PCLO: variants seen among roughly 807,000 people sequenced by gnomAD.
The protein encoded by PCLO is protein piccolo.
In PCLO, 82 loss-of-function variants were observed where a neutral mutation model predicts 427.5. The ratio of observed to expected loss-of-function variants is 0.19; its 90% CI spans 0.16 to 0.23. The LOEUF is 0.23. PCLO is among the 10% of genes least tolerant of loss of function. PCLO has a pLI of 1.00. For missense variants in PCLO, 6,239 were observed against 6,115.9 expected (o/e 1.02, Z -0.67); for synonymous variants, 2,357 against 2,155.4 (o/e 1.09, Z -2.59).
At chr7:82,777,157 C>T (rs896194760) in intron 22 of PCLO, among the ~76,000 whole-genome samples, 1 of 151,896 alleles carries the variant, frequency 6.6e-6, no homozygotes, top group African/African-American at 2.4e-5. Flanking sequence ...ATCACAACTG[C>T]CACAAGAAGA....
In PCLO at chr7:82,758,457, T is replaced by C. The variant is rs1026036355; in HGVS notation, c.*118A>G. 1.4e-6 allele frequency: 1 copy of C among 737,910 alleles called. No homozygotes were observed. The highest frequency in any genetic ancestry group is 2.1e-6 in the Non-Finnish European group (1 of 468,514). The allele number at this position is 737,910 out of a possible 1,614,324, so 45.7% of individuals were successfully genotyped here. On this transcript the variant is annotated 3_prime_UTR_variant, in exon 25 of 25. Coordinates refer to ENST00000333891, the MANE Select transcript of PCLO (RefSeq NM_033026.6). ...ACAAGGTCTTAAGTATGTTTTTGCT[T>C]GTTGTTCCCACTCTTATGTTTGCCT...
Position 82,868,674 on chromosome 7 carries a change from G to A in PCLO, c.13654+10663C>T, listed in dbSNP as rs1793156094. Among the ~76,000 whole-genome samples the A allele has an allele frequency of 2.0e-5, 3 of 152,278 alleles. No individual in the cohort carries two copies. The South Asian group carries it at 6.2e-4, about 32-fold the overall frequency. On this transcript the variant is annotated intron_variant, in intron 10 of 24. Coordinates refer to ENST00000333891, the MANE Select transcript of PCLO (RefSeq NM_033026.6). ...CTTGGACGTGCTTACTTGCCATGTA[G>A]CTCTGGCTAAATCTATAAGCAAACA...
At chr7:83,026,406 T>G (rs1163121423) in intron 3 of PCLO, among the ~76,000 whole-genome samples, 1 of 152,120 alleles carries the variant, frequency 6.6e-6, no homozygotes, top group Non-Finnish European at 1.5e-5. Context: ...AAGAGCTAAC[T>G]ATCCTAAATA....
chr7:83,064,297 T>C (rs1302124421), intron 3 of PCLO, among the ~76,000 whole-genome samples: 2 of 151,952 alleles, frequency 1.3e-5, no homozygotes, highest in Non-Finnish European at 2.9e-5. Context: ...AATATGAATA[T>C]GGAAACAGGT....
intron 6 of PCLO, among the ~76,000 whole-genome samples, chr7:82,947,060 CCT>C (rs988163799): frequency 2.6e-5 from 4 of 152,110 alleles, no homozygotes; most frequent in Non-Finnish European, 5.9e-5. Context: ...CTTTTCTCCC[CCT>C]CTTTGCTTTA....
intron 3 of PCLO, among the ~76,000 whole-genome samples, chr7:82,981,612 G>A (rs1796148631): frequency 1.3e-5 from 2 of 151,916 alleles, no homozygotes; most frequent in Admixed American, 6.6e-5. Context: ...TTTTGTTTCT[G>A]TCACCTTTGC....
At chr7:82,978,857 A>AACACACACACAC (rs66871387) in intron 3 of PCLO, among the ~76,000 whole-genome samples, 8 of 138,684 alleles carry the variant, frequency 5.8e-5, no homozygotes, top group African/African-American at 2.3e-4. Flanking sequence ...CACACACACA[A>AACACACACACAC]ACACACACAC....
chr7:82,951,133 G>A lies in PCLO; in HGVS notation c.9455C>T (p.Thr3152Met), dbSNP rs188499676. The A allele has an allele frequency of 3.6e-5, 58 of 1,613,590 alleles. No individual in the cohort carries two copies. In the East Asian group the frequency reaches 7.8e-4, roughly 22 times the overall value. ...SYFITTGASE[T>M]DIAVTGIDIS... is the part of the protein sequence containing the mutation. ...ATCAATACCAGTTACTGCAATGTCC[G>A]TTTCAGATGCACCTGTTGTTATAAA... The change falls in exon 6 of 25, where the codon ACG becomes ATG. Residue 3152 changes from threonine (T) to methionine (M), a missense_variant. By Grantham distance (81) the Thr-to-Met change is moderately conservative. Transcript: ENST00000333891.
chr7:82,757,482 A>C lies in PCLO; in HGVS notation c.*1093T>G, dbSNP rs1443283718. On this transcript the variant is annotated 3_prime_UTR_variant, in exon 25 of 25. Coordinates refer to ENST00000333891, the MANE Select transcript of PCLO (RefSeq NM_033026.6). Reference sequence around the variant, plus strand: ...TCATGTTTTCATGATACAATCAGTAAATGAATTAAGTCATTAAGGAAAAAA... The same window carrying C: ...TCATGTTTTCATGATACAATCAGTACATGAATTAAGTCATTAAGGAAAAAA... 6.6e-6 allele frequency: 1 copy of C among 152,006 alleles called. No homozygotes were observed. Among genetic ancestry groups the C allele is most frequent in the African/African-American group, 2.4e-5 (1 of 41,414 alleles). 9.4% of individuals were successfully genotyped at this position (152,006 alleles called of 1,614,324 possible).
At chr7:82,827,793 G>T in intron 17 of PCLO, 80 bp downstream of exon 17, 1 of 789,696 alleles carries the variant, frequency 1.3e-6, no homozygotes, top group Non-Finnish European at 2.1e-6. Context: ...AATGTATACA[G>T]ATCCCAATTT....
intron 2 of PCLO, among the ~76,000 whole-genome samples, chr7:83,146,984 C>T (rs112804322): frequency 0.032 from 4,891 of 151,140 alleles, 272 homozygotes; most frequent in African/African-American, 0.11. Flanking sequence ...TAACAACAGG[C>T]TTACTAGACA....
chr7:82,920,418 A>C (rs1794568389), intron 6 of PCLO, among the ~76,000 whole-genome samples: 1 of 151,742 alleles, frequency 6.6e-6, no homozygotes, highest in Non-Finnish European at 1.5e-5. Context: ...CTAGAAAAAA[A>C]AATTGTACTA....
chr7:83,066,735 A>G (rs1032711610), intron 3 of PCLO, among the ~76,000 whole-genome samples: 9 of 152,172 alleles, frequency 5.9e-5, no homozygotes, highest in Non-Finnish European at 1.3e-4. Flanking sequence ...CTGTCAAGAT[A>G]TCTCACTAAA....
At chr7:83,019,326 T>C (rs951575102) in intron 3 of PCLO, among the ~76,000 whole-genome samples, 1 of 151,980 alleles carries the variant, frequency 6.6e-6, no homozygotes, top group African/African-American at 2.4e-5. Flanking sequence ...AAGAACTTCT[T>C]TTGTTTTAAT....
intron 3 of PCLO, among the ~76,000 whole-genome samples, chr7:83,014,105 A>G (rs894401247): frequency 8.5e-5 from 13 of 152,270 alleles, no homozygotes; most frequent in African/African-American, 2.9e-4. Flanking sequence ...GTGAGGAAAG[A>G]CATTCATATT....
chr7:82,992,027 A>G (rs1796388899), intron 3 of PCLO, among the ~76,000 whole-genome samples: 2 of 152,166 alleles, frequency 1.3e-5, no homozygotes, highest in African/African-American at 4.8e-5. Context: ...TCAAAAAAAC[A>G]TATTTTAAGA....
At chr7:83,003,351 T>C (rs1458371807) in intron 3 of PCLO, among the ~76,000 whole-genome samples, 3 of 151,794 alleles carry the variant, frequency 2.0e-5, no homozygotes. Flanking sequence ...ATAGTCAAGA[T>C]TTCTTATAAA....
chr7:83,161,423 G>C lies in PCLO; in HGVS notation c.248+922C>G, dbSNP rs1036454080. Reference sequence around the variant, plus strand: ...TGCAAAGTTAAAGGGTTTGTTTACAGTAAGAAAGGCAAGGCAGGCACAATG... The same window carrying C: ...TGCAAAGTTAAAGGGTTTGTTTACACTAAGAAAGGCAAGGCAGGCACAATG... On this transcript the variant is annotated intron_variant, in intron 1 of 24. Transcript: ENST00000333891. Among the ~76,000 whole-genome samples the C allele has an allele frequency of 2.1e-4, 32 of 152,144 alleles. 1 individual carries two copies. Among genetic ancestry groups the C allele is most frequent in the Non-Finnish European group, 1.2e-4 (8 of 68,020 alleles).
chr7:83,126,365 TAA>T (rs1749875427), intron 3 of PCLO, among the ~76,000 whole-genome samples: 1 of 152,070 alleles, frequency 6.6e-6, no homozygotes, highest in African/African-American at 2.4e-5. Context: ...TCAAAATTAC[TAA>T]AAGAGTGACA....
Sources: gnomAD v4.1 joint callset for allele counts (sites outside exome capture counted in the v4.1 genomes callset) on GRCh38, gnomAD v4.1.1 for gene constraint, MANE v1.5 for transcripts, NCBI Gene and HGNC (gene_info 2026-07-23, HGNC 2026-07-21) for gene names.